Variants in PTPRT observed in about 807,000 individuals in gnomAD.
PTPRT encodes the protein receptor-type tyrosine-protein phosphatase T.
In PTPRT, 56 loss-of-function variants were observed where a neutral mutation model predicts 176.8. The ratio of observed to expected loss-of-function variants is 0.32; its 90% CI spans 0.26 to 0.40. PTPRT has a LOEUF of 0.40. Among genes scored for constraint, PTPRT ranks in the 10% least tolerant of loss-of-function variants. The pLI, the probability that PTPRT is intolerant of heterozygous loss-of-function variation, is 1.00. For missense variants in PTPRT, 1,540 were observed against 1,908.2 expected (o/e 0.81, Z 3.60); for synonymous variants, 783 against 739.0 (o/e 1.06, Z -0.96).
At chr20:42,369,453 G>T (rs544743156) in intron 9 of PTPRT, among the ~76,000 whole-genome samples, 1 of 152,282 alleles carries the variant, frequency 6.6e-6, no homozygotes, top group South Asian at 2.1e-4. Flanking sequence ...TGCTTCGCAG[G>T]CTACTTCTCC....
At chr20:42,574,655 G>C (rs1010132370) in intron 7 of PTPRT, among the ~76,000 whole-genome samples, 11 of 152,130 alleles carry the variant, frequency 7.2e-5, no homozygotes, top group Non-Finnish European at 1.5e-5. Context: ...GGCTTCTAGG[G>C]CTTCAGCAAC....
At chr20:42,925,721 G>T (rs1407185297) in intron 1 of PTPRT, among the ~76,000 whole-genome samples, 1 of 152,184 alleles carries the variant, frequency 6.6e-6, no homozygotes, top group Non-Finnish European at 1.5e-5. Context: ...GATTCAGTGG[G>T]TCCGGGGAGG....
chr20:42,693,844 A>G (rs963069136), intron 6 of PTPRT, among the ~76,000 whole-genome samples: 1 of 151,552 alleles, frequency 6.6e-6, no homozygotes, highest in African/African-American at 2.4e-5. Flanking sequence ...TTCTCACGCT[A>G]CTCCTTTAGA....
intron 1 of PTPRT, among the ~76,000 whole-genome samples, chr20:42,942,776 T>C (rs1176769256): frequency 3.3e-5 from 5 of 152,208 alleles, no homozygotes; most frequent in Admixed American, 6.5e-5. Flanking sequence ...GGGATATTGA[T>C]GGTACTAACC....
chr20:42,769,652 G>C (rs185689680), intron 5 of PTPRT, among the ~76,000 whole-genome samples: 1 of 152,122 alleles, frequency 6.6e-6, no homozygotes, highest in African/African-American at 2.4e-5. Flanking sequence ...GAAAGAATAC[G>C]TCTCTACGAA....
chr20:42,225,961 C>G (rs2056000369), intron 15 of PTPRT, among the ~76,000 whole-genome samples: 1 of 152,212 alleles, frequency 6.6e-6, no homozygotes, highest in Non-Finnish European at 1.5e-5. Flanking sequence ...CCAAATGTGT[C>G]ATTTCTTTAA....
chr20:42,946,014 T>C (rs1980863323), intron 1 of PTPRT, among the ~76,000 whole-genome samples: 1 of 152,200 alleles, frequency 6.6e-6, no homozygotes, highest in Non-Finnish European at 1.5e-5. Context: ...CTTCTTTCAC[T>C]TAGAATAATG....
At chr20:42,381,515 T>C (rs1428359791) in intron 9 of PTPRT, among the ~76,000 whole-genome samples, 3 of 152,134 alleles carry the variant, frequency 2.0e-5, no homozygotes, top group Admixed American at 6.5e-5. Flanking sequence ...TTTTAACATA[T>C]AGTGTGGGTG....
At chr20:42,534,174 T>C (rs1268054815) in intron 7 of PTPRT, among the ~76,000 whole-genome samples, 2 of 152,206 alleles carry the variant, frequency 1.3e-5, no homozygotes, top group African/African-American at 2.4e-5. Context: ...CAGGCTGTGT[T>C]CACTTGAAAT....
rs950531580 is a variant in PTPRT, at chr20:42,303,493, G to T, written c.2139+12230C>A. On this transcript the variant is annotated intron_variant, in intron 12 of 30. Transcript: ENST00000373187. ...GTGGGACTAGGGCTCGGCATGAAAC[G>T]GAGCAGTAAATGCATAGGACTTTTA... Among the ~76,000 whole-genome samples, 6 of 152,078 alleles carry T rather than the reference G, an allele frequency of 3.9e-5. No individual in the cohort carries two copies. In the South Asian group the frequency reaches 6.2e-4, roughly 16 times the overall value.
chr20:42,408,832 A>G (rs2058985902), intron 9 of PTPRT, among the ~76,000 whole-genome samples: 2 of 152,270 alleles, frequency 1.3e-5, no homozygotes, highest in Non-Finnish European at 2.9e-5. Flanking sequence ...GCATCTGATA[A>G]GTCCTAGATA....
At chr20:42,779,619 C>T (rs1338333913) in intron 4 of PTPRT, among the ~76,000 whole-genome samples, 3 of 152,142 alleles carry the variant, frequency 2.0e-5, no homozygotes, top group African/African-American at 7.2e-5. Context: ...GAAACACATT[C>T]CAATATCTGA....
At chr20:42,247,083 C>A (rs1600724953) in intron 14 of PTPRT, among the ~76,000 whole-genome samples, 1 of 152,290 alleles carries the variant, frequency 6.6e-6, no homozygotes, top group South Asian at 2.1e-4. Context: ...GGGCTATTCA[C>A]CCCCAATATT....
At chr20:42,980,729 A>G (rs541020255) in intron 1 of PTPRT, among the ~76,000 whole-genome samples, 101 of 152,302 alleles carry the variant, frequency 6.6e-4, no homozygotes, top group African/African-American at 2.2e-3. Flanking sequence ...AAAGTTTTAG[A>G]CAGGTTTCTT....
At chr20:42,182,147 T>G (rs1990550975) in intron 16 of PTPRT, among the ~76,000 whole-genome samples, 1 of 152,096 alleles carries the variant, frequency 6.6e-6, no homozygotes, top group Non-Finnish European at 1.5e-5. Context: ...TAGCCAGAGA[T>G]GAGACTAAAG....
At position 42,771,507 on chromosome 20, in the gene PTPRT, A is replaced by G. The variant is rs2145463177; in HGVS notation, c.612T>C (p.Asn204=). 1 of 1,614,112 alleles carries G rather than the reference A, an allele frequency of 6.2e-7. No individual in the cohort carries two copies. The highest frequency in any genetic ancestry group is 1.3e-5 in the African/African-American group (1 of 75,038). Residue 204 remains asparagine (N), a synonymous_variant, in exon 5 of 31, where the codon AAT becomes AAC. Coordinates refer to ENST00000373187, the MANE Select transcript of PTPRT (RefSeq NM_007050.6). ...HFLRLQNVEV[N]VGQNATFQCI... The stretch of plus-strand genomic sequence containing the variant: ...ACTGAAATGTGGCATTCTGCCCCAC[A>G]TTCACCTCCACGTTTTGGAGTCGCA...
intron 7 of PTPRT, among the ~76,000 whole-genome samples, chr20:42,484,962 A>G (rs2071443027): frequency 6.6e-6 from 1 of 152,128 alleles, no homozygotes; most frequent in Admixed American, 6.5e-5. Flanking sequence ...CCCCATCCAG[A>G]TGCAGTCCCC....
intron 9 of PTPRT, among the ~76,000 whole-genome samples, chr20:42,392,956 A>T (rs1362376618): frequency 1.3e-5 from 2 of 152,110 alleles, no homozygotes; most frequent in Non-Finnish European, 2.9e-5. Context: ...GGAAAATCTG[A>T]TTTTTTTTAA....
intron 14 of PTPRT, among the ~76,000 whole-genome samples, chr20:42,244,085 T>A (rs936465497): frequency 1.3e-5 from 2 of 152,192 alleles, no homozygotes; most frequent in East Asian, 3.9e-4. Flanking sequence ...AATAATTAGC[T>A]CATTTGATCT....
Sources: allele counts gnomAD v4.1 joint callset (sites outside exome capture counted in the v4.1 genomes callset), GRCh38; gene constraint gnomAD v4.1.1; transcripts MANE v1.5; gene names NCBI Gene and HGNC (gene_info 2026-07-23, HGNC 2026-07-21).